Variants in ZNF141 observed in about 807,000 individuals in gnomAD.
ZNF141 encodes the protein zinc finger protein 141.
A neutral mutation model predicts 11.3 loss-of-function variants in ZNF141; 7 were observed. The observed-to-expected ratio is 0.62, with a 90% CI of 0.35 to 1.16. The LOEUF (loss-of-function observed/expected upper bound fraction) is 1.16, where lower values mean the gene tolerates loss of function less well. Ranked by LOEUF, ZNF141 falls within the 50% of genes most tolerant of loss-of-function variation. The pLI is 0.02. For synonymous variants in ZNF141, 183 were observed against 190.7 expected (o/e 0.96, Z 0.33); for missense variants, 535 against 554.0 (o/e 0.97, Z 0.34).
In ZNF141 at chr4:338,002, AG is replaced by A; in HGVS notation, c.3+19del. 1 of 1,613,102 alleles carries A rather than the reference AG, an allele frequency of 6.2e-7. No homozygotes were observed. Among genetic ancestry groups the A allele is most frequent in the Non-Finnish European group, 8.5e-7 (1 of 1,179,358 alleles). On this transcript the variant is annotated intron_variant, in intron 1 of 3. Coordinates refer to ENST00000240499, the MANE Select transcript of ZNF141 (RefSeq NM_003441.4). The stretch of plus-strand genomic sequence containing the variant: ...TGGGGAAATGGTGAGTGTGCGGGGC[AG>A]GGCGTCCCAAGGCTGAGGAGGTCTC...
At position 375,246 on chromosome 4, in the gene ZNF141, GACAA is replaced by G. The variant is rs1318314243; in HGVS notation, c.*1389_*1392del. The G allele has an allele frequency of 1.3e-5, 2 of 151,966 alleles. No individual in the cohort carries two copies. The highest frequency in any genetic ancestry group is 2.4e-5 in the African/African-American group (1 of 41,406). The allele number at this position is 151,966 out of a possible 1,614,324, so 9.4% of individuals were successfully genotyped here. A position where few individuals can be genotyped will look rare whatever the true frequency, so the allele number is the denominator to read the frequency against. On this transcript the variant is annotated 3_prime_UTR_variant, in exon 4 of 4. Transcript: ENST00000240499. ...TTAAAGTGAAGAAGAGTATTCTTAA[GACAA>G]ACAATACAAATATAAAGAGGGTTGT...
chr4:355,945 A>T (rs1021129572), intron 3 of ZNF141, among the ~76,000 whole-genome samples: 1 of 152,122 alleles, frequency 6.6e-6, no homozygotes, highest in Admixed American at 6.6e-5. Context: ...TAGAATTATA[A>T]TACTAGGCTG....
chr4:340,864 C>T (rs1468627772), intron 1 of ZNF141, among the ~76,000 whole-genome samples: 9 of 152,120 alleles, frequency 5.9e-5, no homozygotes, highest in Admixed American at 5.2e-4. Context: ...TTCTATAAAC[C>T]AATAAGAATT....
At position 383,950 on chromosome 4, in the gene ZNF141, TAATAA is replaced by T. The variant is rs1308244322; in HGVS notation, c.*10092_*10096del. 6.6e-6 allele frequency: 1 copy of T among 152,332 alleles called. No individual in the cohort carries two copies. The highest frequency in any genetic ancestry group is 1.9e-4 in the East Asian group (1 of 5,202). 9.4% of individuals were successfully genotyped at this position (152,332 alleles called of 1,614,324 possible). A position where few individuals can be genotyped will look rare whatever the true frequency, so the allele number is the denominator to read the frequency against. On this transcript the variant is annotated 3_prime_UTR_variant, in exon 4 of 4. Coordinates refer to ENST00000240499, the MANE Select transcript of ZNF141 (RefSeq NM_003441.4). ...CACCCTGTAGAGTGCTTTCTCACTT[TAATAA>T]AATCTTGCTTTTGCTATTCCCTTCC...
rs1712357490 is a variant in ZNF141 at position 376,206 on chromosome 4, G to T, written c.*2344G>T. Among the ~76,000 whole-genome samples the T allele has an allele frequency of 1.3e-5, 2 of 151,964 alleles. No homozygotes were observed. Among genetic ancestry groups the T allele is most frequent in the African/African-American group, 4.8e-5 (2 of 41,418 alleles). ...GTGTAGGTAAAAGATGGTAACAATGGTAACATAGTTGAATGACATTTTTAG... is the reference window on the plus strand; with the variant it reads ...GTGTAGGTAAAAGATGGTAACAATGTTAACATAGTTGAATGACATTTTTAG... On this transcript the variant is annotated 3_prime_UTR_variant, in exon 4 of 4. Transcript: ENST00000240499.
Position 338,838 on chromosome 4 carries a change from G to A in ZNF141, c.3+852G>A, listed in dbSNP as rs115709135. ...GGGTCGGAGCATTGACTGGTGTTGAGCAAACTCCTCACGTTTCCTGTCAGA... is the reference window on the plus strand; with the variant it reads ...GGGTCGGAGCATTGACTGGTGTTGAACAAACTCCTCACGTTTCCTGTCAGA... On this transcript the variant is annotated intron_variant, in intron 1 of 3. Coordinates refer to ENST00000240499, the MANE Select transcript of ZNF141 (RefSeq NM_003441.4). Among the ~76,000 whole-genome samples the A allele has an allele frequency of 5.9e-3, 893 of 152,298 alleles. 11 individuals are homozygous for A. The highest frequency in any genetic ancestry group is 0.019 in the African/African-American group (808 of 41,552).
chr4:346,031 C>G (rs1289000562), intron 3 of ZNF141, among the ~76,000 whole-genome samples: 1 of 152,154 alleles, frequency 6.6e-6, no homozygotes, highest in Non-Finnish European at 1.5e-5. Flanking sequence ...AGATGTATCT[C>G]TCTGTAGCTA....
rs1254503993 is a variant in ZNF141 at position 381,622 on chromosome 4, C to T, written c.*7760C>T. On this transcript the variant is annotated 3_prime_UTR_variant, in exon 4 of 4. Transcript: ENST00000240499. ...ACGGGGTTTCACCATGTTGGCCAGG[C>T]TGGTCTCAAACTCCTGACCTTAAGT... Among the ~76,000 whole-genome samples the T allele has an allele frequency of 6.6e-6, 1 of 151,646 alleles. No homozygotes were observed. Among genetic ancestry groups the T allele is most frequent in the African/African-American group, 2.4e-5 (1 of 41,256 alleles).
At chr4:352,652 C>T (rs1553850647) in intron 3 of ZNF141, among the ~76,000 whole-genome samples, 1 of 152,154 alleles carries the variant, frequency 6.6e-6, no homozygotes, top group African/African-American at 2.4e-5. Context: ...TCTTGCGGAT[C>T]ACAAAGGATT....
At chr4:360,010 A>G (rs1322846463) in intron 3 of ZNF141, among the ~76,000 whole-genome samples, 1 of 152,192 alleles carries the variant, frequency 6.6e-6, no homozygotes, top group African/African-American at 2.4e-5. Flanking sequence ...TGGCATAAAC[A>G]AAACCAAATG....
rs782533270 is a variant in ZNF141, at chr4:373,464, G to A, written c.1027G>A (p.Glu343Lys). The change falls in exon 4 of 4, where the codon GAA becomes AAA. Residue 343 changes from glutamate (E) to lysine (K), a missense_variant. By Grantham distance (56) the Glu-to-Lys change is moderately conservative (BLOSUM62 1). Transcript: ENST00000240499. ...TGGAGAGAAACCCTACACATGTGAA[G>A]AATGTGGCAAAGCTTTTAGACAGTC... Reference protein sequence around the residue: ...HTGEKPYTCEECGKAFRQSSK... With the variant: ...HTGEKPYTCEKCGKAFRQSSK... 2 of 1,614,124 alleles carry A rather than the reference G, an allele frequency of 1.2e-6. No individual in the cohort carries two copies. The highest frequency in any genetic ancestry group is 2.2e-5 in the South Asian group (2 of 91,078).
At chr4:348,637 C>G (rs79662803) in intron 3 of ZNF141, among the ~76,000 whole-genome samples, 21,937 of 151,622 alleles carry the variant, frequency 0.14, 2,185 homozygotes, top group African/African-American at 0.28. Flanking sequence ...ATCACTTGAA[C>G]CCAAGAGGCA....
In ZNF141 at chr4:383,145, G is replaced by A. The variant is rs1712739355; in HGVS notation, c.*9283G>A. ...GCCCATTTTAGCTTTCTGGAGAATA[G>A]CATCTGAGAAAAGCCAAAGTGCCTC... is the stretch of plus-strand genomic sequence containing the variant. On this transcript the variant is annotated 3_prime_UTR_variant, in exon 4 of 4. Transcript: ENST00000240499. 4 of 701,560 alleles carry A rather than the reference G, an allele frequency of 5.7e-6. No homozygotes were observed. The highest frequency in any genetic ancestry group is 7.8e-6 in the Non-Finnish European group (3 of 384,540). 43.5% of individuals were successfully genotyped at this position (701,560 alleles called of 1,614,324 possible). A position where few individuals can be genotyped will look rare whatever the true frequency, so the allele number is the denominator to read the frequency against.
intron 3 of ZNF141, among the ~76,000 whole-genome samples, chr4:368,607 A>G (rs1359272815): frequency 6.6e-6 from 1 of 152,254 alleles, no homozygotes; most frequent in Non-Finnish European, 1.5e-5. Context: ...GGTGAGAGAA[A>G]TTTTCATTAC....
chr4:346,631 C>T (rs1553849564), intron 3 of ZNF141, among the ~76,000 whole-genome samples: 1 of 152,138 alleles, frequency 6.6e-6, no homozygotes, highest in Non-Finnish European at 1.5e-5. Flanking sequence ...CTCATATTCC[C>T]ACCCTAGGCA....
At chr4:359,840 C>A (rs1281639379) in intron 3 of ZNF141, among the ~76,000 whole-genome samples, 1 of 152,086 alleles carries the variant, frequency 6.6e-6, no homozygotes, top group Non-Finnish European at 1.5e-5. Flanking sequence ...GTCTGTGGGT[C>A]CCTGTGTGAG....
chr4:370,960 C>A, intron 3 of ZNF141, among the ~76,000 whole-genome samples: 1 of 151,930 alleles, frequency 6.6e-6, no homozygotes, highest in East Asian at 1.9e-4. Context: ...TCTCACTCTC[C>A]TGACCTCCTG....
intron 3 of ZNF141, among the ~76,000 whole-genome samples, chr4:350,629 G>A (rs1362629983): frequency 2.6e-5 from 4 of 152,204 alleles, no homozygotes; most frequent in South Asian, 2.1e-4. Context: ...TGGAGGTGGG[G>A]CCTTGAGGGA....
chr4:340,979 A>G (rs782775874), intron 1 of ZNF141, among the ~76,000 whole-genome samples: 49 of 152,156 alleles, frequency 3.2e-4, no homozygotes, highest in Non-Finnish European at 3.8e-4. Context: ...TTTATAGTCC[A>G]GGGTTGCAAT....
Sources: gnomAD v4.1 joint callset for allele counts (sites outside exome capture counted in the v4.1 genomes callset) on GRCh38, gnomAD v4.1.1 for gene constraint, MANE v1.5 for transcripts, NCBI Gene and HGNC (gene_info 2026-07-23, HGNC 2026-07-21) for gene names.